RASA1: variants seen among roughly 807,000 people sequenced by gnomAD.
RASA1 encodes the protein ras GTPase-activating protein 1.
A neutral mutation model predicts 132.2 loss-of-function variants in RASA1; 25 were observed. That is an observed-to-expected ratio of 0.19 (90% CI 0.14 to 0.26). The LOEUF is 0.26. Among genes scored for constraint, RASA1 ranks in the 10% least tolerant of loss-of-function variants. The pLI, the probability that RASA1 is intolerant of heterozygous loss-of-function variation, is 1.00. For synonymous variants in RASA1, 477 were observed against 449.9 expected (o/e 1.06, Z -0.76); for missense variants, 964 against 1,299.2 (o/e 0.74, Z 3.97).
At chr5:87,363,944 T>TA (rs546121629) in intron 11 of RASA1, among the ~76,000 whole-genome samples, 8 of 152,038 alleles carry the variant, frequency 5.3e-5, no homozygotes, top group Admixed American at 2.0e-4. Flanking sequence ...TATTTGAAAT[T>TA]AAAAAAAATT....
intron 11 of RASA1, among the ~76,000 whole-genome samples, chr5:87,364,548 G>A (rs940565789): frequency 6.6e-6 from 1 of 151,976 alleles, no homozygotes; most frequent in African/African-American, 2.4e-5. Flanking sequence ...CTCATAAAGA[G>A]TTGTTCCAAA....
intron 1 of RASA1, among the ~76,000 whole-genome samples, chr5:87,309,353 A>G (rs561470772): frequency 6.6e-6 from 1 of 152,288 alleles, no homozygotes; most frequent in East Asian, 1.9e-4. Context: ...CAGACAGGAT[A>G]GTAGGGCACT....
intron 20 of RASA1, among the ~76,000 whole-genome samples, chr5:87,380,954 T>A (rs563132001): frequency 5.3e-5 from 8 of 152,158 alleles, no homozygotes; most frequent in African/African-American, 1.9e-4. Flanking sequence ...ATTGACCGAT[T>A]TAGATATTAA....
intron 10 of RASA1, among the ~76,000 whole-genome samples, chr5:87,362,931 A>G (rs1225201951): frequency 2.1e-5 from 3 of 144,766 alleles, no homozygotes; most frequent in Non-Finnish European, 4.5e-5. Context: ...GGAACTCCTT[A>G]TGGCACATGG....
intron 1 of RASA1, among the ~76,000 whole-genome samples, chr5:87,311,605 A>AT (rs1367591199): frequency 3.3e-5 from 5 of 152,242 alleles, no homozygotes; most frequent in Admixed American, 3.3e-4. Context: ...GGGGAGTCAT[A>AT]GAGACAGTGC....
intron 4 of RASA1, among the ~76,000 whole-genome samples, chr5:87,334,983 A>G (rs1757860766): frequency 6.6e-6 from 1 of 152,054 alleles, no homozygotes; most frequent in Non-Finnish European, 1.5e-5. Flanking sequence ...TCCTGGGTTC[A>G]AGGGATTCTT....
intron 2 of RASA1, 125 bp downstream of exon 2, chr5:87,331,625 A>G (rs567438975): frequency 9.1e-7 from 1 of 1,094,578 alleles, no homozygotes; most frequent in Admixed American, 2.0e-5. Context: ...GCTTGTTTTC[A>G]GTCAAATGAT....
At chr5:87,336,742 T>A (rs1033372105) in intron 4 of RASA1, among the ~76,000 whole-genome samples, 4 of 152,204 alleles carry the variant, frequency 2.6e-5, no homozygotes, top group Admixed American at 6.5e-5. Context: ...TTACTCATAA[T>A]GATTTTCTTT....
At chr5:87,281,293 A>G (rs1367166835) in intron 1 of RASA1, among the ~76,000 whole-genome samples, 1 of 151,106 alleles carries the variant, frequency 6.6e-6, no homozygotes, top group Admixed American at 6.6e-5. Context: ...CCCAGGCTGA[A>G]GTGCAATGGC....
chr5:87,387,905 T>C (rs1762174559), intron 23 of RASA1, among the ~76,000 whole-genome samples: 1 of 152,210 alleles, frequency 6.6e-6, no homozygotes, highest in South Asian at 2.1e-4. Flanking sequence ...TTTAAGGAAC[T>C]GTGTGAGAAG....
At position 87,268,375 on chromosome 5, in the gene RASA1, G is replaced by C; in HGVS notation, c.-77G>C. ...TGAAGGGGAGACGCGTCTGGGTGGG[G>C]CTGCTCGGAGCCCGGGCCTGGTGGC... On this transcript the variant is annotated 5_prime_UTR_variant, in exon 1 of 25. Transcript: ENST00000274376. 1 of 1,450,770 alleles carries C rather than the reference G, an allele frequency of 6.9e-7. No individual in the cohort carries two copies. Among genetic ancestry groups the C allele is most frequent in the Non-Finnish European group, 9.1e-7 (1 of 1,098,804 alleles). The allele number at this position is 1,450,770 out of a possible 1,614,324, so 89.9% of individuals were successfully genotyped here. A position where few individuals can be genotyped will look rare whatever the true frequency, so the allele number is the denominator to read the frequency against.
intron 24 of RASA1, 42 bp from the exon 25 acceptor site, chr5:87,390,758 C>T: frequency 2.0e-6 from 3 of 1,534,560 alleles, no homozygotes; most frequent in Non-Finnish European, 2.7e-6. Flanking sequence ...AAATTGCTGA[C>T]CGAGCTTTCA....
Position 87,314,467 on chromosome 5 carries a change from A to T in RASA1, c.540-16881A>T, listed in dbSNP as rs539722215. On this transcript the variant is annotated intron_variant, in intron 1 of 24. Transcript: ENST00000274376. ...AATGGGTGGGAAAGGAAATGACAGG[A>T]TGGAAGAAGAGAGCATAGGAAGGTG... 3.3e-5 allele frequency among the ~76,000 whole-genome samples: 5 copies of T among 152,344 alleles called. No individual in the cohort carries two copies. In the South Asian group the frequency reaches 8.3e-4, roughly 25 times the overall value.
intron 9 of RASA1, among the ~76,000 whole-genome samples, chr5:87,358,447 C>T (rs1367202883): frequency 6.6e-6 from 1 of 152,134 alleles, no homozygotes; most frequent in Non-Finnish European, 1.5e-5. Flanking sequence ...CTCAATTCTT[C>T]TCTTTTTTTC....
At chr5:87,356,884 C>G (rs1488867043) in intron 9 of RASA1, among the ~76,000 whole-genome samples, 1 of 152,086 alleles carries the variant, frequency 6.6e-6, no homozygotes, top group South Asian at 2.1e-4. Flanking sequence ...CCTTCATTCC[C>G]GCATGCTTTC....
At chr5:87,369,429 G>A (rs1193123391) in intron 11 of RASA1, among the ~76,000 whole-genome samples, 4 of 152,104 alleles carry the variant, frequency 2.6e-5, no homozygotes, top group African/African-American at 9.7e-5. Context: ...TCTCCTTAGA[G>A]ATAATTACTT....
chr5:87,387,492 C>T (rs1251465516), intron 23 of RASA1, among the ~76,000 whole-genome samples: 1 of 152,070 alleles, frequency 6.6e-6, no homozygotes, highest in Non-Finnish European at 1.5e-5. Flanking sequence ...CATGATTGAA[C>T]AGATTTTCAG....
intron 4 of RASA1, among the ~76,000 whole-genome samples, chr5:87,335,466 C>T (rs1402760730): frequency 7.2e-6 from 1 of 138,664 alleles, no homozygotes; most frequent in Non-Finnish European, 1.5e-5. Flanking sequence ...GCTCTTGTCA[C>T]CCAGGCTGGA....
chr5:87,271,396 CTAAAT>C (rs1249260047), intron 1 of RASA1, among the ~76,000 whole-genome samples: 1 of 139,014 alleles, frequency 7.2e-6, no homozygotes, highest in African/African-American at 2.7e-5. Flanking sequence ...TAGTTTATAA[CTAAAT>C]TAGGTATATT....
Sources: gnomAD v4.1 joint callset for allele counts (sites outside exome capture counted in the v4.1 genomes callset) on GRCh38, gnomAD v4.1.1 for gene constraint, MANE v1.5 for transcripts, NCBI Gene and HGNC (gene_info 2026-07-23, HGNC 2026-07-21) for gene names.